The following ETFA variants were observed in gnomAD, a reference collection of about 807,000 sequenced individuals.
The protein encoded by ETFA is electron transfer flavoprotein subunit alpha, mitochondrial.
A neutral mutation model predicts 46.2 loss-of-function variants in ETFA; 22 were observed. The ratio of observed to expected loss-of-function variants is 0.48; its 90% CI spans 0.34 to 0.68. The LOEUF (loss-of-function observed/expected upper bound fraction) is 0.68, where lower values mean the gene tolerates loss of function less well. Ranked by LOEUF, ETFA falls within the 30% of genes least tolerant of loss-of-function variation. The probability of loss-of-function intolerance (pLI) is 0.01; values close to 1 mark genes in which losing one functional copy is unlikely to be tolerated. For synonymous variants in ETFA, 131 were observed against 139.9 expected (o/e 0.94, Z 0.45); for missense variants, 345 against 401.1 (o/e 0.86, Z 1.19).
At chr15:76,255,158 A>T (rs1163374683) in intron 9 of ETFA, among the ~76,000 whole-genome samples, 2 of 152,230 alleles carry the variant, frequency 1.3e-5, no homozygotes, top group Non-Finnish European at 2.9e-5. Flanking sequence ...GAAAAGAGAA[A>T]TATACTCTAA....
At chr15:76,265,101 T>C (rs535368504) in intron 9 of ETFA, among the ~76,000 whole-genome samples, 7 of 152,320 alleles carry the variant, frequency 4.6e-5, no homozygotes, top group African/African-American at 1.2e-4. Context: ...AGTGCTGCCA[T>C]AGACCTCTGC....
rs998665558 is a variant in ETFA at position 76,215,961 on chromosome 15, C to T, written c.*598G>A. Reference sequence around the variant, plus strand: ...GAAAATGAAATTTACCTTAAGCCAACTAAATACATGGAGCTGGGTCAGGTT... The same window carrying T: ...GAAAATGAAATTTACCTTAAGCCAATTAAATACATGGAGCTGGGTCAGGTT... On this transcript the variant is annotated 3_prime_UTR_variant, in exon 12 of 12. Transcript: ENST00000557943. 1 of 152,264 alleles carries T rather than the reference C, an allele frequency of 6.6e-6. No individual in the cohort carries two copies. Among genetic ancestry groups the T allele is most frequent in the Non-Finnish European group, 1.5e-5 (1 of 68,084 alleles). 9.4% of individuals were successfully genotyped at this position (152,264 alleles called of 1,614,324 possible).
At chr15:76,265,884 AT>A (rs2039465881) in intron 9 of ETFA, among the ~76,000 whole-genome samples, 1 of 152,230 alleles carries the variant, frequency 6.6e-6, no homozygotes, top group Non-Finnish European at 1.5e-5. Context: ...GGATTGGAGT[AT>A]CATTTTTAGC....
chr15:76,291,399 T>A (rs578088463), intron 4 of ETFA, among the ~76,000 whole-genome samples: 3 of 143,326 alleles, frequency 2.1e-5, no homozygotes, highest in Non-Finnish European at 4.5e-5. Context: ...GAGCTGAGAT[T>A]GTGCTGCTGC....
intron 2 of ETFA, among the ~76,000 whole-genome samples, chr15:76,293,140 C>T (rs1035755830): frequency 1.3e-5 from 2 of 152,052 alleles, no homozygotes; most frequent in African/African-American, 2.4e-5. Flanking sequence ...CCATCTCAAA[C>T]AAACAAAGAA....
intron 9 of ETFA, among the ~76,000 whole-genome samples, chr15:76,272,570 T>A (rs990241284): frequency 6.6e-6 from 1 of 152,094 alleles, no homozygotes; most frequent in African/African-American, 2.4e-5. Context: ...GGTCTGCTGA[T>A]CTTTTATGAA....
rs1306213216 is a variant in ETFA at position 76,288,069 on chromosome 15, G to A, written c.352-124C>T. On this transcript the variant is annotated intron_variant, in intron 4 of 11. Transcript: ENST00000557943. ...TTTTAATTCAAATATTTTATATTTC[G>A]TGTGCACCTTTGGATACACAACTTC... is the stretch of plus-strand genomic sequence containing the variant. The A allele has an allele frequency of 4.1e-5, 29 of 708,466 alleles. 1 individual carries two copies. Among genetic ancestry groups the A allele is most frequent in the South Asian group, 3.2e-4 (21 of 65,040 alleles). The allele number at this position is 708,466 out of a possible 1,614,324, so 43.9% of individuals were successfully genotyped here. A position where few individuals can be genotyped will look rare whatever the true frequency, so the allele number is the denominator to read the frequency against.
chr15:76,309,801 T>G (rs995701300), intron 1 of ETFA: 1 of 152,152 alleles, frequency 6.6e-6, no homozygotes, highest in Non-Finnish European at 1.5e-5. Flanking sequence ...TTTCACTTGT[T>G]TATGTCTAGA....
chr15:76,227,210 C>A (rs1236142834), intron 10 of ETFA, among the ~76,000 whole-genome samples: 1 of 152,046 alleles, frequency 6.6e-6, no homozygotes, highest in African/African-American at 2.4e-5. Flanking sequence ...CCAGCCTGCG[C>A]AACACAGGGA....
intron 1 of ETFA, among the ~76,000 whole-genome samples, chr15:76,304,334 T>A (rs1047010511): frequency 6.6e-6 from 1 of 152,086 alleles, no homozygotes; most frequent in Non-Finnish European, 1.5e-5. Flanking sequence ...AATTACCTAT[T>A]GGATGCTATG....
intron 1 of ETFA, among the ~76,000 whole-genome samples, chr15:76,306,393 A>C (rs1424250384): frequency 6.6e-6 from 1 of 150,960 alleles, no homozygotes; most frequent in Non-Finnish European, 1.5e-5. Flanking sequence ...CAGCCTCCTA[A>C]GTAGCTGGGA....
intron 9 of ETFA, among the ~76,000 whole-genome samples, chr15:76,237,228 C>T (rs1458466078): frequency 2.6e-4 from 39 of 152,050 alleles, no homozygotes; most frequent in Admixed American, 6.6e-5. Flanking sequence ...AATTTTTGTA[C>T]TCTTAGTAGA....
At chr15:76,264,905 G>A (rs1044858077) in intron 9 of ETFA, among the ~76,000 whole-genome samples, 5 of 152,236 alleles carry the variant, frequency 3.3e-5, no homozygotes, top group Admixed American at 2.6e-4. Context: ...AAGTCCTGGT[G>A]TATGTCCCTG....
At chr15:76,259,701 C>A in intron 9 of ETFA, 3 of 1,299,692 alleles carry the variant, frequency 2.3e-6, no homozygotes, top group Non-Finnish European at 3.3e-6. Flanking sequence ...CCAAAGTCAG[C>A]CACACACACG....
At chr15:76,307,086 A>T (rs2039946714) in intron 1 of ETFA, among the ~76,000 whole-genome samples, 1 of 152,222 alleles carries the variant, frequency 6.6e-6, no homozygotes, top group Non-Finnish European at 1.5e-5. Flanking sequence ...CAATAAACAC[A>T]GTAAAAAGAG....
rs1364882484 is a variant in ETFA at position 76,287,996 on chromosome 15, CTA to C, written c.352-53_352-52del. Reference sequence around the variant, plus strand: ...AACACACATACATAGTGATGGAAGACTATAAATGATCAGTAATGACATATTCT... The same window carrying C: ...AACACACATACATAGTGATGGAAGACTAAATGATCAGTAATGACATATTCT... On this transcript the variant is annotated intron_variant, in intron 4 of 11. Transcript: ENST00000557943. The C allele has an allele frequency of 4.5e-6, 5 of 1,109,516 alleles. No homozygotes were observed. In the African/African-American group the frequency reaches 6.1e-5, roughly 14 times the overall value. The allele number at this position is 1,109,516 out of a possible 1,614,324, so 68.7% of individuals were successfully genotyped here. A position where few individuals can be genotyped will look rare whatever the true frequency, so the allele number is the denominator to read the frequency against.
intron 7 of ETFA, 46 bp from the exon 8 acceptor site, chr15:76,283,871 C>T (rs756930620): frequency 2.2e-6 from 3 of 1,365,080 alleles, no homozygotes; most frequent in Non-Finnish European, 3.1e-6. Context: ...ACATCAAATA[C>T]ATTCTGGAAC....
At chr15:76,297,148 T>G (rs2039833237) in intron 1 of ETFA, among the ~76,000 whole-genome samples, 1 of 152,076 alleles carries the variant, frequency 6.6e-6, no homozygotes, top group African/African-American at 2.4e-5. Flanking sequence ...GCTGGAAACT[T>G]AAAAGGAGGG....
chr15:76,234,224 T>C (rs1199434042), intron 9 of ETFA, among the ~76,000 whole-genome samples: 1 of 152,128 alleles, frequency 6.6e-6, no homozygotes, highest in African/African-American at 2.4e-5. Context: ...AGAACAAGTA[T>C]AGGGATTTTG....
Sources: gnomAD v4.1 joint callset for allele counts (sites outside exome capture counted in the v4.1 genomes callset) on GRCh38, gnomAD v4.1.1 for gene constraint, MANE v1.5 for transcripts, NCBI Gene and HGNC (gene_info 2026-07-23, HGNC 2026-07-21) for gene names.